The following ENTPD4 variants were observed in gnomAD, a reference collection of about 807,000 sequenced individuals.
ENTPD4 encodes ectonucleoside triphosphate diphosphohydrolase 4.
In ENTPD4, 60 loss-of-function variants were observed where a neutral mutation model predicts 79.1. The ratio of observed to expected loss-of-function variants is 0.76; its 90% confidence interval spans 0.62 to 0.94. The LOEUF (loss-of-function observed/expected upper bound fraction) is 0.94. Ranked by LOEUF, ENTPD4 falls within the 40% of genes least tolerant of loss-of-function variation. The probability of loss-of-function intolerance (pLI) is 0.00; values close to 1 mark genes in which losing one functional copy is unlikely to be tolerated. For missense variants in ENTPD4, 772 were observed against 775.1 expected (o/e 1.00, Z 0.05); for synonymous variants, 276 against 292.0 (o/e 0.95, Z 0.56).
intron 1 of ENTPD4, among the ~76,000 whole-genome samples, chr8:23,455,575 C>T (rs1324787690): frequency 6.6e-6 from 1 of 152,212 alleles, no homozygotes; most frequent in Non-Finnish European, 1.5e-5. Context: ...TTATCTTACA[C>T]ATTTTAATTT....
In ENTPD4 at chr8:23,441,353, C is replaced by T. The variant is rs1264232830; in HGVS notation, c.882+216G>A. On this transcript the variant is annotated intron_variant, in intron 8 of 12. Transcript: ENST00000358689. ...GCGTATATACCAAAGAAAAACTCTA[C>T]GTTCAGAAAACAAACCAGCTGATTT... 1.1e-5 allele frequency: 10 copies of T among 937,836 alleles called. No homozygotes were observed. The South Asian group carries it at 1.5e-4, about 14-fold the overall frequency. The allele number at this position is 937,836 out of a possible 1,614,324, so 58.1% of individuals were successfully genotyped here.
chr8:23,445,202 C>A (rs1800745146), intron 4 of ENTPD4, among the ~76,000 whole-genome samples: 1 of 152,204 alleles, frequency 6.6e-6, no homozygotes, highest in Non-Finnish European at 1.5e-5. Context: ...CAACACACAA[C>A]CTGGGTTTCA....
At chr8:23,446,635 TC>T (rs1411950155) in intron 4 of ENTPD4, among the ~76,000 whole-genome samples, 3 of 152,204 alleles carry the variant, frequency 2.0e-5, no homozygotes, top group African/African-American at 7.2e-5. Context: ...ATATGCTGGT[TC>T]CTAGCTGCCC....
chr8:23,433,405 G>A (rs1284485264), intron 12 of ENTPD4, among the ~76,000 whole-genome samples: 1 of 152,194 alleles, frequency 6.6e-6, no homozygotes, highest in Admixed American at 6.5e-5. Context: ...TAGAAGAGCC[G>A]TGAAGGTTTC....
chr8:23,434,353 C>A lies in ENTPD4; in HGVS notation c.1586G>T (p.Gly529Val). The part of the protein sequence containing the change: ...VYDKEVQWTL[G>V]AILYRTRFLP... ...AAAGCGGGTCCTGTAGAGGATGGCTCCAAGGGTCCACTGAACCTCCTTGTC... is the reference window on the plus strand; with the variant it reads ...AAAGCGGGTCCTGTAGAGGATGGCTACAAGGGTCCACTGAACCTCCTTGTC... Residue 529 changes from glycine to valine, a missense_variant, in exon 12 of 13, where the codon GGA becomes GTA. Physicochemically the swap from Gly to Val is moderately radical, Grantham distance 109 (BLOSUM62 -3). Coordinates refer to ENST00000358689, the MANE Select transcript of ENTPD4 (RefSeq NM_004901.5). 1 of 1,614,192 alleles carries A rather than the reference C, an allele frequency of 6.2e-7. No individual in the cohort carries two copies.
In ENTPD4 at chr8:23,442,016, T is replaced by C. The variant is rs759019421; in HGVS notation, c.718A>G (p.Ile240Val). ...GAACCATGACACTTACCATCTTCAA[T>C]ATGCTCAAATCGTCCAAGGACAAAA... is the stretch of plus-strand genomic sequence containing the variant. ...INFVLGRFEH[I>V]EDDDEAVVEV... Residue 240 changes from isoleucine (I) to valine (V), a missense_variant, in exon 7 of 13, where the codon ATT (isoleucine) becomes GTT (valine). By Grantham distance (29) the Ile-to-Val change is conservative. Coordinates refer to ENST00000358689, the MANE Select transcript of ENTPD4 (RefSeq NM_004901.5). 8.7e-6 allele frequency: 14 copies of C among 1,613,194 alleles called. No individual in the cohort carries two copies. The South Asian group carries it at 1.4e-4, about 16-fold the overall frequency.
At chr8:23,447,538 G>A in intron 4 of ENTPD4, 142 bp downstream of exon 4, 8 of 702,272 alleles carry the variant, frequency 1.1e-5, no homozygotes. Flanking sequence ...AAAGGGAAAA[G>A]AAAGTGAAAC....
rs1401991894 is a variant in ENTPD4 at position 23,443,915 on chromosome 8, A to G, written c.602T>C (p.Ile201Thr). 2.5e-6 allele frequency: 4 copies of G among 1,613,760 alleles called. No homozygotes were observed. Among genetic ancestry groups the G allele is most frequent in the East Asian group, 2.2e-5 (1 of 44,862 alleles). ...AAACAGAAAGTCAAAGTGCACGGGG[A>G]TATCGGTCAGAAGGTCTTCCAGAAT... ...KAILEDLLTD[I>T]PVHFDFLFSD... Residue 201 changes from isoleucine to threonine, a missense_variant, in exon 6 of 13, where the codon ATC becomes ACC. By Grantham distance (89) the Ile-to-Thr change is moderately conservative. Transcript: ENST00000358689.
chr8:23,434,812 T>G, intron 11 of ENTPD4: 1 of 629,070 alleles, frequency 1.6e-6, no homozygotes, highest in Non-Finnish European at 2.1e-6. Context: ...AACCTCTTTG[T>G]ACCTCAGTTT....
At chr8:23,433,614 T>C (rs993172390) in intron 12 of ENTPD4, among the ~76,000 whole-genome samples, 1 of 152,186 alleles carries the variant, frequency 6.6e-6, no homozygotes, top group Non-Finnish European at 1.5e-5. Context: ...ACAGCAGATC[T>C]GCAAACGTGA....
At position 23,455,356 on chromosome 8, in the gene ENTPD4, T is replaced by G. The variant is rs1317955042; in HGVS notation, c.-98+2201A>C. Among the ~76,000 whole-genome samples the G allele has an allele frequency of 2.0e-5, 3 of 152,176 alleles. No individual in the cohort carries two copies. The East Asian group carries it at 5.8e-4, about 29-fold the overall frequency. The stretch of plus-strand genomic sequence containing the variant: ...AAGAATGATTTGAATATCAAAGGAT[T>G]CAAGAGAACCTGGAAAAATTAAAGA... On this transcript the variant is annotated intron_variant, in intron 1 of 12. Coordinates refer to ENST00000358689, the MANE Select transcript of ENTPD4 (RefSeq NM_004901.5).
rs191099813 is a variant in ENTPD4 at position 23,429,503 on chromosome 8, T to C, written c.*3423A>G. ...GTAGTTTTGTTGCATTGCACACAAC[T>C]GACCGCAGAGAATTCTAAAGCTGAT... On this transcript the variant is annotated 3_prime_UTR_variant, in exon 13 of 13. Transcript: ENST00000358689. 1.5e-5 allele frequency: 15 copies of C among 985,436 alleles called. No individual in the cohort carries two copies. In the Admixed American group the frequency reaches 6.1e-4, roughly 40 times the overall value. 61.0% of individuals were successfully genotyped at this position (985,436 alleles called of 1,614,324 possible). A position where few individuals can be genotyped will look rare whatever the true frequency, so the allele number is the denominator to read the frequency against.
chr8:23,436,164 C>T (rs528278519), intron 10 of ENTPD4, among the ~76,000 whole-genome samples: 29 of 152,104 alleles, frequency 1.9e-4, no homozygotes, highest in Non-Finnish European at 3.4e-4. Context: ...TCGCGGAGAG[C>T]GTGAGGGAAG....
At chr8:23,445,379 ATGTCCTCCAGGTAAGGCTCAACTC>A (rs1193867139) in intron 4 of ENTPD4, among the ~76,000 whole-genome samples, 5 of 152,016 alleles carry the variant, frequency 3.3e-5, no homozygotes, top group Non-Finnish European at 5.9e-5. Flanking sequence ...TTGTGGCTCA[ATGTCCTCCAGGTAAGGCTCAACTC>A]TAGAACACCC....
chr8:23,450,673 G>A (rs1324997402), intron 1 of ENTPD4, among the ~76,000 whole-genome samples: 3 of 152,138 alleles, frequency 2.0e-5, no homozygotes, highest in East Asian at 3.8e-4. Context: ...TGCCAACCCC[G>A]ACTACTCTTA....
At chr8:23,437,432 G>A in intron 9 of ENTPD4, among the ~76,000 whole-genome samples, 174 bp from the exon 10 acceptor site, 1 of 152,232 alleles carries the variant, frequency 6.6e-6, no homozygotes, top group East Asian at 1.9e-4. Flanking sequence ...ACACACTTGA[G>A]ACTTTCTTGG....
rs1290951798 is a variant in ENTPD4, at chr8:23,434,446, TCAAACATC to T, written c.1485_1492del (p.Trp495Ter). 2 of 1,613,932 alleles carry T rather than the reference TCAAACATC, an allele frequency of 1.2e-6. No individual in the cohort carries two copies. Among genetic ancestry groups the T allele is most frequent in the Non-Finnish European group, 1.7e-6 (2 of 1,179,982 alleles). On this transcript the variant is annotated stop_gained and frameshift_variant, in exon 12 of 13. Coordinates refer to ENST00000358689, the MANE Select transcript of ENTPD4 (RefSeq NM_004901.5). LOFTEE classifies it high-confidence loss of function. Reference sequence around the variant, plus strand: ...AAACGAAAAGCCCCTATGAAACACCTCAAACATCCAGGCCGATTTGAAGCACTGATACC... The same window carrying T: ...AAACGAAAAGCCCCTATGAAACACCTCAGGCCGATTTGAAGCACTGATACC...
intron 1 of ENTPD4, among the ~76,000 whole-genome samples, chr8:23,457,040 C>A (rs1238463859): frequency 2.0e-5 from 3 of 152,242 alleles, no homozygotes; most frequent in Non-Finnish European, 4.4e-5. Context: ...AAAAGGGGTC[C>A]GCGCATTACT....
intron 1 of ENTPD4, among the ~76,000 whole-genome samples, chr8:23,457,354 G>T (rs1013124537): frequency 1.4e-5 from 2 of 141,818 alleles, no homozygotes; most frequent in African/African-American, 5.4e-5. Flanking sequence ...CACAGGGGTT[G>T]GTCCCGGGGC....
Sources: gnomAD v4.1 joint callset for allele counts (sites outside exome capture counted in the v4.1 genomes callset) on GRCh38, gnomAD v4.1.1 for gene constraint, MANE v1.5 for transcripts, NCBI Gene and HGNC (gene_info 2026-07-23, HGNC 2026-07-21) for gene names.